The following DLG2 variants were observed in gnomAD, a reference collection of about 807,000 sequenced individuals.
The protein encoded by DLG2 is discs large MAGUK scaffold protein 2, also known as disks large homolog 2.
In DLG2, 45 loss-of-function variants were observed where a neutral mutation model predicts 132.5. The observed-to-expected ratio is 0.34, with a 90% CI of 0.27 to 0.44. The LOEUF is 0.44. Ranked by LOEUF, DLG2 falls within the 20% of genes least tolerant of loss-of-function variation. The pLI is 1.00. For synonymous variants in DLG2, 424 were observed against 419.6 expected, an observed-to-expected ratio of 1.01 and a Z score of -0.13; for missense variants, 1,045 against 1,196.9, an observed-to-expected ratio of 0.87 and a Z score of 1.87.
intron 6 of DLG2, among the ~76,000 whole-genome samples, chr11:84,565,939 C>T (rs974939341): frequency 4.0e-5 from 6 of 150,356 alleles, no homozygotes; most frequent in East Asian, 3.9e-4. Context: ...ACTATTTCCA[C>T]GTTAAATTTC....
At chr11:83,906,869 C>T (rs2075090330) in intron 15 of DLG2, among the ~76,000 whole-genome samples, 2 of 152,282 alleles carry the variant, frequency 1.3e-5, no homozygotes, top group South Asian at 4.1e-4. Context: ...TCAGGGCTTA[C>T]TCCTTCTGCA....
chr11:83,887,312 T>C (rs1325844095), intron 15 of DLG2, among the ~76,000 whole-genome samples: 2 of 152,000 alleles, frequency 1.3e-5, no homozygotes, highest in Admixed American at 6.5e-5. Context: ...CAGAGAATAC[T>C]ACAAACACCT....
chr11:83,870,237 A>G (rs2063174570), intron 16 of DLG2, among the ~76,000 whole-genome samples: 5 of 152,210 alleles, frequency 3.3e-5, no homozygotes, highest in Admixed American at 3.3e-4. Flanking sequence ...CAACAGAATA[A>G]TGTACATTTT....
At chr11:84,888,055 T>C (rs1244693672) in intron 6 of DLG2, among the ~76,000 whole-genome samples, 1 of 152,158 alleles carries the variant, frequency 6.6e-6, no homozygotes, top group Admixed American at 6.6e-5. Flanking sequence ...CATTGATTCA[T>C]ATTTTCTTAT....
At chr11:85,429,112 G>A (rs1329785155) in intron 3 of DLG2, among the ~76,000 whole-genome samples, 1 of 152,096 alleles carries the variant, frequency 6.6e-6, no homozygotes, top group Non-Finnish European at 1.5e-5. Context: ...CCAATAACAG[G>A]CTCTGAAATT....
chr11:85,123,328 T>C (rs530678661), intron 5 of DLG2, among the ~76,000 whole-genome samples: 2 of 152,016 alleles, frequency 1.3e-5, no homozygotes, highest in South Asian at 2.1e-4. Flanking sequence ...GGAAAATGTA[T>C]AGGAGTGGAA....
chr11:84,136,634 G>A (rs1251535079), intron 9 of DLG2, among the ~76,000 whole-genome samples: 3 of 152,128 alleles, frequency 2.0e-5, no homozygotes, highest in African/African-American at 7.2e-5. Context: ...GGACGTGACT[G>A]GCTAGAACTG....
intron 7 of DLG2, among the ~76,000 whole-genome samples, chr11:84,337,225 A>T (rs1377754148): frequency 6.6e-6 from 1 of 152,182 alleles, no homozygotes; most frequent in Non-Finnish European, 1.5e-5. Context: ...CATATGAGGT[A>T]TCTGGCCTAC....
At chr11:84,826,574 T>C (rs567903952) in intron 6 of DLG2, among the ~76,000 whole-genome samples, 1 of 152,016 alleles carries the variant, frequency 6.6e-6, no homozygotes, top group South Asian at 2.1e-4. Context: ...CAAGCTATGC[T>C]CTATTTACCT....
chr11:84,656,798 G>A lies in DLG2; in HGVS notation c.358-122067C>T, dbSNP rs578036634. Among the ~76,000 whole-genome samples, 3 of 152,170 alleles carry A rather than the reference G, an allele frequency of 2.0e-5. No homozygotes were observed. In the South Asian group the frequency reaches 6.2e-4, roughly 32 times the overall value. ...ATAAGATTATCTCTCTCAAAAAATTGTAATAGGGAGTGGAAAAAAATGCAT... is the reference window on the plus strand; with the variant it reads ...ATAAGATTATCTCTCTCAAAAAATTATAATAGGGAGTGGAAAAAAATGCAT... On this transcript the variant is annotated intron_variant, in intron 6 of 27. Transcript: ENST00000376104.
At chr11:85,278,198 A>G (rs757795979) in intron 4 of DLG2, among the ~76,000 whole-genome samples, 2 of 152,204 alleles carry the variant, frequency 1.3e-5, no homozygotes, top group South Asian at 2.1e-4. Flanking sequence ...TTTACTGTGT[A>G]TCTTTGATGA....
At chr11:84,777,915 C>T (rs571610153) in intron 6 of DLG2, among the ~76,000 whole-genome samples, 1 of 152,212 alleles carries the variant, frequency 6.6e-6, no homozygotes, top group South Asian at 2.1e-4. Context: ...TCTGTTCACT[C>T]TGTCAATTAT....
At chr11:85,469,934 T>C (rs1444964596) in intron 3 of DLG2, among the ~76,000 whole-genome samples, 1 of 152,080 alleles carries the variant, frequency 6.6e-6, no homozygotes, top group African/African-American at 2.4e-5. Flanking sequence ...CCTCCAGTAG[T>C]TTCCCATTTC....
chr11:83,970,345 T>A (rs1017200099), intron 12 of DLG2, among the ~76,000 whole-genome samples: 3 of 152,068 alleles, frequency 2.0e-5, no homozygotes, highest in African/African-American at 7.2e-5. Flanking sequence ...ACGAGGAAAA[T>A]TTTTAGACCA....
At chr11:84,378,542 G>A (rs1318992273) in intron 7 of DLG2, among the ~76,000 whole-genome samples, 1 of 151,978 alleles carries the variant, frequency 6.6e-6, no homozygotes. Context: ...CACTCAATGG[G>A]GGGAAAAATC....
intron 8 of DLG2, among the ~76,000 whole-genome samples, chr11:84,167,990 C>G (rs1331899263): frequency 6.6e-6 from 1 of 152,136 alleles, no homozygotes; most frequent in African/African-American, 2.4e-5. Context: ...TTTTATATAT[C>G]TCTGTGTCAC....
intron 6 of DLG2, among the ~76,000 whole-genome samples, chr11:84,663,551 G>A (rs2099696948): frequency 6.6e-6 from 1 of 152,054 alleles, no homozygotes; most frequent in South Asian, 2.1e-4. Flanking sequence ...AATAGGGCAG[G>A]AACACAGGAT....
At chr11:83,731,097 G>A (rs554630483) in intron 18 of DLG2, among the ~76,000 whole-genome samples, 12 of 152,258 alleles carry the variant, frequency 7.9e-5, no homozygotes, top group South Asian at 2.1e-4. Context: ...GGCCCTCTGC[G>A]TTATGTAATT....
chr11:84,458,142 C>T (rs921614461), intron 7 of DLG2, among the ~76,000 whole-genome samples: 4 of 150,774 alleles, frequency 2.7e-5, no homozygotes, highest in Non-Finnish European at 6.0e-5. Context: ...AAATTGTACA[C>T]CATCTAATGT....
Sources: gnomAD v4.1 joint callset for allele counts (sites outside exome capture counted in the v4.1 genomes callset) on GRCh38, gnomAD v4.1.1 for gene constraint, MANE v1.5 for transcripts, NCBI Gene and HGNC (gene_info 2026-07-23, HGNC 2026-07-21) for gene names.